Variants in RBFOX1 observed in about 807,000 individuals in gnomAD.
RBFOX1 encodes RNA binding fox-1 homolog 1, also known as RNA binding protein fox-1 homolog 1.
A neutral mutation model predicts 57.7 loss-of-function variants in RBFOX1; 8 were observed. That is an observed-to-expected ratio of 0.14 (90% CI 0.08 to 0.25). The LOEUF (loss-of-function observed/expected upper bound fraction) is 0.25. Ranked by LOEUF, RBFOX1 falls within the 10% of genes least tolerant of loss-of-function variation. The pLI is 1.00. For synonymous variants in RBFOX1, 326 were observed against 222.4 expected, an observed-to-expected ratio of 1.47 and a Z score of -4.15; for missense variants, 611 against 548.5, an observed-to-expected ratio of 1.11 and a Z score of -1.14.
intron 1 of RBFOX1, among the ~76,000 whole-genome samples, chr16:6,082,026 C>T (rs1303513337): frequency 2.0e-5 from 3 of 152,140 alleles, no homozygotes; most frequent in Non-Finnish European, 4.4e-5. Flanking sequence ...TGAATATGAG[C>T]TTCAACTGTT....
intron 3 of RBFOX1, among the ~76,000 whole-genome samples, chr16:5,756,116 C>T (rs912951612): frequency 2.0e-5 from 3 of 150,388 alleles, no homozygotes; most frequent in Non-Finnish European, 4.4e-5. Flanking sequence ...AGATACAAAG[C>T]TACAGGTGGT....
intron 4 of RBFOX1, among the ~76,000 whole-genome samples, chr16:7,175,206 C>T (rs549642999): frequency 6.6e-6 from 1 of 152,166 alleles, no homozygotes; most frequent in African/African-American, 2.4e-5. Context: ...CTATCCACCC[C>T]AGCCCCCAAT....
At chr16:5,908,103 T>TATATATACAC (rs1331808720) in intron 4 of RBFOX1, among the ~76,000 whole-genome samples, 2 of 142,624 alleles carry the variant, frequency 1.4e-5, no homozygotes, top group South Asian at 2.1e-4. Flanking sequence ...TATACACATA[T>TATATATACAC]ATATATACAC....
intron 3 of RBFOX1, among the ~76,000 whole-genome samples, chr16:5,793,207 G>T (rs370157474): frequency 6.6e-6 from 1 of 152,210 alleles, no homozygotes; most frequent in East Asian, 1.9e-4. Context: ...GCTTAGAGAG[G>T]CCAGGAGCCC....
At chr16:6,851,651 G>C (rs186538582) in intron 3 of RBFOX1, among the ~76,000 whole-genome samples, 52 of 152,228 alleles carry the variant, frequency 3.4e-4, no homozygotes, top group African/African-American at 1.2e-3. Context: ...GTCAGGGAAA[G>C]AACAAGGCTC....
intron 3 of RBFOX1, among the ~76,000 whole-genome samples, chr16:5,722,504 G>T (rs1334341706): frequency 6.6e-6 from 1 of 152,162 alleles, no homozygotes; most frequent in Non-Finnish European, 1.5e-5. Flanking sequence ...CCCGTGTCCA[G>T]GTGTCCCCAG....
intron 3 of RBFOX1, among the ~76,000 whole-genome samples, chr16:5,820,821 C>T (rs953704633): frequency 6.6e-6 from 1 of 152,182 alleles, no homozygotes. Context: ...ATCCAGCCCT[C>T]TCTTTGACAG....
intron 1 of RBFOX1, among the ~76,000 whole-genome samples, chr16:6,041,481 A>T (rs2095435640): frequency 6.6e-6 from 1 of 152,130 alleles, no homozygotes; most frequent in African/African-American, 2.4e-5. Flanking sequence ...TATATGTACT[A>T]TTCATTCAAC....
At chr16:5,760,946 G>A (rs1347996343) in intron 3 of RBFOX1, among the ~76,000 whole-genome samples, 1 of 152,182 alleles carries the variant, frequency 6.6e-6, no homozygotes, top group Non-Finnish European at 1.5e-5. Context: ...TTCACTGAAT[G>A]CCACTGAATT....
chr16:6,558,228 C>G (rs1250380859), intron 2 of RBFOX1, among the ~76,000 whole-genome samples: 2 of 152,092 alleles, frequency 1.3e-5, no homozygotes, highest in Admixed American at 1.3e-4. Flanking sequence ...TGAAATGACT[C>G]TATGTGGCTC....
At chr16:5,888,064 C>T (rs1251211603) in intron 4 of RBFOX1, among the ~76,000 whole-genome samples, 2 of 152,224 alleles carry the variant, frequency 1.3e-5, no homozygotes, top group East Asian at 3.8e-4. Flanking sequence ...GACTGCCCTC[C>T]TGCAAGATTG....
At chr16:7,157,731 C>G (rs944694175) in intron 4 of RBFOX1, among the ~76,000 whole-genome samples, 1 of 152,168 alleles carries the variant, frequency 6.6e-6, no homozygotes, top group Non-Finnish European at 1.5e-5. Context: ...GTCACTGCAG[C>G]TCTTCACTGG....
Position 5,680,315 on chromosome 16 carries a change from G to A in RBFOX1, c.318+81354G>A, listed in dbSNP as rs531118089. On this transcript the variant is annotated intron_variant, in intron 3 of 19. Coordinates refer to the RBFOX1 transcript ENST00000641259. Reference sequence around the variant, plus strand: ...ATGGAGGAATAAGAAGGTCTCACCTGAAAAAAATCTTCACTTTGCGGCCAA... The same window carrying A: ...ATGGAGGAATAAGAAGGTCTCACCTAAAAAAAATCTTCACTTTGCGGCCAA... 8.8e-4 allele frequency among the ~76,000 whole-genome samples: 134 copies of A among 152,256 alleles called. 1 individual carries two copies. Among genetic ancestry groups the A allele is most frequent in the African/African-American group, 3.0e-3 (124 of 41,554 alleles).
intron 2 of RBFOX1, among the ~76,000 whole-genome samples, chr16:5,579,661 C>T (rs949954283): frequency 6.6e-6 from 1 of 152,190 alleles, no homozygotes; most frequent in Admixed American, 6.5e-5. Context: ...GAAACCTTCC[C>T]CAACTGGGTA....
intron 2 of RBFOX1, among the ~76,000 whole-genome samples, chr16:5,518,778 C>T (rs1376175002): frequency 6.6e-6 from 1 of 152,226 alleles, no homozygotes; most frequent in South Asian, 2.1e-4. Context: ...TTATAAGGAA[C>T]ACAGAAACAG....
At chr16:5,719,959 C>A (rs1277345716) in intron 3 of RBFOX1, among the ~76,000 whole-genome samples, 1 of 151,956 alleles carries the variant, frequency 6.6e-6, no homozygotes, top group African/African-American at 2.4e-5. Context: ...CTCTTCCCCG[C>A]CCCGCCCCCA....
rs538297702 is a variant in RBFOX1 at position 6,989,030 on chromosome 16, T to C, written c.-15-63027T>C. The stretch of plus-strand genomic sequence containing the variant: ...CACCCCCCTCGGACTCCCAAAGTGC[T>C]GGGATTATAAGCGTGAGCCACCGCG... On this transcript the variant is annotated intron_variant, in intron 3 of 15. Coordinates refer to ENST00000550418, the MANE Select transcript of RBFOX1 (RefSeq NM_018723.4). Among the ~76,000 whole-genome samples, 32 of 152,200 alleles carry C rather than the reference T, an allele frequency of 2.1e-4. 1 individual carries two copies. The East Asian group carries it at 5.6e-3, about 27-fold the overall frequency.
intron 2 of RBFOX1, among the ~76,000 whole-genome samples, chr16:6,530,870 A>C (rs1283362579): frequency 6.6e-6 from 1 of 152,100 alleles, no homozygotes; most frequent in African/African-American, 2.4e-5. Flanking sequence ...GGGAATTGTA[A>C]GAGATATAAT....
chr16:6,705,222 G>T (rs888379825), intron 3 of RBFOX1: 2 of 152,116 alleles, frequency 1.3e-5, no homozygotes, highest in Non-Finnish European at 2.9e-5. Flanking sequence ...CAAATGGGTT[G>T]GCATTCATCT....
Sources: gnomAD v4.1 joint callset for allele counts (sites outside exome capture counted in the v4.1 genomes callset) on GRCh38, gnomAD v4.1.1 for gene constraint, MANE v1.5 for transcripts, NCBI Gene and HGNC (gene_info 2026-07-23, HGNC 2026-07-21) for gene names.